The following TMEM132C variants were observed in gnomAD, a reference collection of about 807,000 sequenced individuals.
TMEM132C encodes the protein protein phosphatase 1, regulatory subunit 152.
TMEM132C carries 29 observed loss-of-function variants against 61.4 expected under a neutral mutation model. The observed-to-expected ratio is 0.47, with a 90% CI of 0.35 to 0.64. The LOEUF is 0.64. Ranked by LOEUF, TMEM132C falls within the 30% of genes least tolerant of loss-of-function variation. The pLI, the probability that TMEM132C is intolerant of heterozygous loss-of-function variation, is 0.00. For missense variants in TMEM132C, 1,408 were observed against 1,476.9 expected, an observed-to-expected ratio of 0.95 and a Z score of 0.76; for synonymous variants, 656 against 633.1, an observed-to-expected ratio of 1.04 and a Z score of -0.54.
intron 2 of TMEM132C, among the ~76,000 whole-genome samples, chr12:128,452,701 C>T (rs957110066): frequency 2.0e-5 from 3 of 151,040 alleles, no homozygotes; most frequent in East Asian, 3.9e-4. Flanking sequence ...GAGACTCCAT[C>T]TCAAAAAAAA....
chr12:128,471,079 G>C (rs1331891083), intron 2 of TMEM132C, among the ~76,000 whole-genome samples: 2 of 152,130 alleles, frequency 1.3e-5, no homozygotes, highest in Non-Finnish European at 2.9e-5. Flanking sequence ...CCTGTGTATT[G>C]TAGGATGTTT....
intron 3 of TMEM132C, among the ~76,000 whole-genome samples, chr12:128,559,908 T>C (rs1874454630): frequency 6.6e-6 from 1 of 152,214 alleles, no homozygotes; most frequent in African/African-American, 2.4e-5. Flanking sequence ...TTTCCACCAA[T>C]GCCAGCACCA....
intron 4 of TMEM132C, among the ~76,000 whole-genome samples, chr12:128,632,867 C>T (rs1254710984): frequency 6.6e-6 from 1 of 152,198 alleles, no homozygotes; most frequent in African/African-American, 2.4e-5. Context: ...GGTATGGAAA[C>T]TCTTGGAGGT....
chr12:128,338,919 G>A (rs192456733), intron 1 of TMEM132C, among the ~76,000 whole-genome samples: 27 of 152,068 alleles, frequency 1.8e-4, no homozygotes, highest in African/African-American at 6.3e-4. Flanking sequence ...TAATTCCCTC[G>A]ATTTTGTAAA....
chr12:128,639,232 GATGATGATGGTGATA>G (rs1408381445), intron 4 of TMEM132C, among the ~76,000 whole-genome samples: 5 of 151,136 alleles, frequency 3.3e-5, no homozygotes, highest in South Asian at 2.1e-4. Flanking sequence ...TGACAATGGT[GATGATGATGGTGATA>G]ATGATGATGG....
intron 3 of TMEM132C, among the ~76,000 whole-genome samples, chr12:128,591,983 CGG>C (rs1875767788): frequency 7.2e-6 from 1 of 138,326 alleles, no homozygotes; most frequent in African/African-American, 2.7e-5. Flanking sequence ...ACCCGAGAGG[CGG>C]ATGTTGCAGT....
chr12:128,280,989 G>A (rs1010257150), intron 1 of TMEM132C, among the ~76,000 whole-genome samples: 33 of 152,220 alleles, frequency 2.2e-4, no homozygotes, highest in African/African-American at 7.0e-4. Context: ...GAAAAAGAAC[G>A]ATACATATTC....
chr12:128,397,395 C>G (rs1156985952), intron 1 of TMEM132C, among the ~76,000 whole-genome samples: 1 of 152,146 alleles, frequency 6.6e-6, no homozygotes, highest in Non-Finnish European at 1.5e-5. Context: ...AAGGAAGGTG[C>G]ATCTTTCTGG....
At chr12:128,576,858 A>G (rs1875121235) in intron 3 of TMEM132C, among the ~76,000 whole-genome samples, 1 of 152,206 alleles carries the variant, frequency 6.6e-6, no homozygotes, top group South Asian at 2.1e-4. Context: ...AGCTGTTCAG[A>G]AAACTTCAAA....
intron 1 of TMEM132C, among the ~76,000 whole-genome samples, chr12:128,316,927 G>A (rs920469901): frequency 1.1e-4 from 16 of 152,146 alleles, no homozygotes; most frequent in Middle Eastern, 6.8e-3. Flanking sequence ...CCCACCACCC[G>A]CAACTAAAGC....
At chr12:128,664,619 C>T (rs1954438100) in intron 4 of TMEM132C, among the ~76,000 whole-genome samples, 1 of 152,188 alleles carries the variant, frequency 6.6e-6, no homozygotes. Flanking sequence ...AGGAATTGTA[C>T]ACCTGTGTGC....
intron 3 of TMEM132C, among the ~76,000 whole-genome samples, chr12:128,598,665 TTC>T (rs1313274308): frequency 1.3e-5 from 2 of 152,106 alleles, no homozygotes; most frequent in Admixed American, 1.3e-4. Context: ...CCTCCTGGCT[TTC>T]TCTCACTTAT....
intron 1 of TMEM132C, among the ~76,000 whole-genome samples, chr12:128,345,100 T>C (rs1051889272): frequency 6.6e-6 from 1 of 152,012 alleles, no homozygotes; most frequent in Admixed American, 6.6e-5. Context: ...TGTGTGTTGT[T>C]TTCCCCCCAT....
chr12:128,607,457 A>C (rs1876467892), intron 3 of TMEM132C, among the ~76,000 whole-genome samples: 1 of 151,888 alleles, frequency 6.6e-6, no homozygotes, highest in African/African-American at 2.4e-5. Flanking sequence ...TTGAGGAGAG[A>C]GGTAGGGGAA....
At chr12:128,664,199 C>T (rs1356585977) in intron 4 of TMEM132C, among the ~76,000 whole-genome samples, 1 of 93,344 alleles carries the variant, frequency 1.1e-5, no homozygotes. Context: ...GGCACTCACA[C>T]AGGCACACAC....
intron 3 of TMEM132C, among the ~76,000 whole-genome samples, chr12:128,572,728 G>A (rs900756623): frequency 6.7e-6 from 1 of 149,048 alleles, no homozygotes; most frequent in South Asian, 2.2e-4. Context: ...GCCTCTGTTG[G>A]CCTCTAACTG....
At chr12:128,501,409 G>A (rs761118536) in intron 2 of TMEM132C, among the ~76,000 whole-genome samples, 5 of 152,182 alleles carry the variant, frequency 3.3e-5, no homozygotes, top group African/African-American at 4.8e-5. Context: ...ATGTGACTCA[G>A]AATGTCAGCC....
intron 3 of TMEM132C, among the ~76,000 whole-genome samples, chr12:128,585,117 C>T (rs1035186460): frequency 3.3e-5 from 5 of 152,210 alleles, no homozygotes; most frequent in African/African-American, 9.6e-5. Context: ...AGCCGTGAAA[C>T]GTCTCTACAC....
chr12:128,562,840 G>C (rs551010575), intron 3 of TMEM132C, among the ~76,000 whole-genome samples: 10 of 152,312 alleles, frequency 6.6e-5, no homozygotes, highest in African/African-American at 2.4e-4. Flanking sequence ...TCTTGTTTGT[G>C]TGTTTGAGTT....
Sources: allele counts gnomAD v4.1 joint callset (sites outside exome capture counted in the v4.1 genomes callset), GRCh38; gene constraint gnomAD v4.1.1; transcripts MANE v1.5; gene names NCBI Gene and HGNC (gene_info 2026-07-23, HGNC 2026-07-21).